Variants in VRK2 observed in about 807,000 individuals in gnomAD.
The protein encoded by VRK2 is VRK serine/threonine kinase 2.
A neutral mutation model predicts 57.6 loss-of-function variants in VRK2; 60 were observed. That is an observed-to-expected ratio of 1.04 (90% CI 0.85 to 1.29). The LOEUF is 1.29. Ranked by LOEUF, VRK2 falls within the 50% of genes most tolerant of loss-of-function variation. The probability of loss-of-function intolerance (pLI) is 0.00; values close to 1 mark genes in which losing one functional copy is unlikely to be tolerated. For missense variants in VRK2, 705 were observed against 588.1 expected, an observed-to-expected ratio of 1.20 and a Z score of -2.06; for synonymous variants, 231 against 199.2, an observed-to-expected ratio of 1.16 and a Z score of -1.35.
At chr2:57,918,379 T>C (rs778890187) in intron 1 of VRK2, among the ~76,000 whole-genome samples, 3 of 152,006 alleles carry the variant, frequency 2.0e-5, no homozygotes, top group African/African-American at 4.8e-5. Flanking sequence ...TTTGTGCATA[T>C]AAAATATAGT....
At chr2:57,922,858 C>T (rs1670399093) in intron 1 of VRK2, among the ~76,000 whole-genome samples, 1 of 151,834 alleles carries the variant, frequency 6.6e-6, no homozygotes, top group Non-Finnish European at 1.5e-5. Context: ...TTTTTGTACT[C>T]ACTAATCATT....
intron 8 of VRK2, among the ~76,000 whole-genome samples, chr2:58,129,306 C>A (rs1573281879): frequency 6.6e-6 from 1 of 152,152 alleles, no homozygotes; most frequent in East Asian, 1.9e-4. Context: ...CAAAACAGTG[C>A]ATAATGTATT....
At chr2:58,121,346 T>C (rs1309882956) in intron 7 of VRK2, among the ~76,000 whole-genome samples, 2 of 152,230 alleles carry the variant, frequency 1.3e-5, no homozygotes, top group African/African-American at 4.8e-5. Context: ...ATCAGTATGT[T>C]CATTTTTCTG....
intron 7 of VRK2, among the ~76,000 whole-genome samples, chr2:58,122,629 A>G (rs1270194140): frequency 6.6e-6 from 1 of 152,210 alleles, no homozygotes; most frequent in Non-Finnish European, 1.5e-5. Context: ...CAAAATCCAC[A>G]TATAAGTGGA....
intron 6 of VRK2, 21 bp from the exon 7 acceptor site, chr2:58,089,610 T>G: frequency 2.0e-6 from 3 of 1,492,638 alleles, no homozygotes; most frequent in Non-Finnish European, 1.8e-6. Flanking sequence ...TAAACCTTAT[T>G]TTATCTATTT....
intron 12 of VRK2, among the ~76,000 whole-genome samples, chr2:58,156,306 T>C (rs1432108654): frequency 1.3e-5 from 2 of 152,134 alleles, no homozygotes; most frequent in Non-Finnish European, 2.9e-5. Flanking sequence ...GCTTTCAAGA[T>C]TTGCTTGTTA....
intron 2 of VRK2, among the ~76,000 whole-genome samples, chr2:58,056,732 A>C (rs1676578008): frequency 6.6e-6 from 1 of 152,150 alleles, no homozygotes; most frequent in African/African-American, 2.4e-5. Flanking sequence ...TTCCCAAAAT[A>C]GTAGTGTGGT....
rs1006686004 is a variant in VRK2 at position 58,068,169 on chromosome 2, A to G, written c.137-15920A>G. On this transcript the variant is annotated intron_variant, in intron 2 of 12. Coordinates refer to ENST00000340157, the MANE Select transcript of VRK2 (RefSeq NM_006296.7). ...GGTCTCAAACTCCTAACCTCAAGTG[A>G]TCTGTCCACCTTGGCCTCCCAAAGT... is the stretch of plus-strand genomic sequence containing the variant. Among the ~76,000 whole-genome samples, 5 of 152,118 alleles carry G rather than the reference A, an allele frequency of 3.3e-5. No individual in the cohort carries two copies. In the South Asian group the frequency reaches 8.3e-4, roughly 25 times the overall value.
chr2:58,084,034 A>G, intron 2 of VRK2, 55 bp from the exon 3 acceptor site: 3 of 1,581,916 alleles, frequency 1.9e-6, no homozygotes, highest in Non-Finnish European at 2.6e-6. Context: ...TATGGTAGGT[A>G]TTCAGTAATT....
intron 2 of VRK2, among the ~76,000 whole-genome samples, chr2:58,066,521 T>G (rs1210956724): frequency 6.6e-6 from 1 of 152,130 alleles, no homozygotes; most frequent in Non-Finnish European, 1.5e-5. Flanking sequence ...GTGTATACTT[T>G]TATTTATTTA....
At chr2:58,148,132 T>G (rs745480157) in intron 12 of VRK2, among the ~76,000 whole-genome samples, 2 of 151,870 alleles carry the variant, frequency 1.3e-5, no homozygotes, top group African/African-American at 2.4e-5. Context: ...GAAAGTACCA[T>G]TCTGTACTCC....
At position 58,038,262 on chromosome 2, in the gene VRK2, G is replaced by T. The variant is rs568262695; in HGVS notation, c.-6+4709G>T. On this transcript the variant is annotated intron_variant, in intron 3 of 15. Coordinates refer to the VRK2 transcript ENST00000417641. ...AGATCTAATGGTTTTATAATTGGAG[G>T]TTTCCCCTGCTCTCTTTTCTGCTGC... Among the ~76,000 whole-genome samples, 86 of 152,182 alleles carry T rather than the reference G, an allele frequency of 5.7e-4. 1 individual carries two copies. Among genetic ancestry groups the T allele is most frequent in the Admixed American group, 1.9e-3 (29 of 15,274 alleles).
chr2:58,139,049 T>G (rs938281712), intron 10 of VRK2, among the ~76,000 whole-genome samples: 2 of 152,070 alleles, frequency 1.3e-5, no homozygotes, highest in African/African-American at 4.8e-5. Context: ...AAATAAAAGA[T>G]GGCAACTCCT....
intron 1 of VRK2, among the ~76,000 whole-genome samples, chr2:57,921,714 T>C (rs1193223727): frequency 3.3e-5 from 5 of 152,114 alleles, no homozygotes; most frequent in Admixed American, 1.3e-4. Flanking sequence ...AAAGATGATA[T>C]GTGTGCACAT....
At chr2:57,984,215 T>C (rs1363379227) in intron 1 of VRK2, among the ~76,000 whole-genome samples, 1 of 152,176 alleles carries the variant, frequency 6.6e-6, no homozygotes, top group African/African-American at 2.4e-5. Context: ...AACATCATTG[T>C]TCCATATGAA....
intron 1 of VRK2, among the ~76,000 whole-genome samples, chr2:58,021,824 G>T (rs752207632): frequency 5.3e-5 from 8 of 152,064 alleles, no homozygotes; most frequent in Non-Finnish European, 8.8e-5. Context: ...TATTAACTTT[G>T]TAAGCCTGGA....
intron 9 of VRK2, among the ~76,000 whole-genome samples, chr2:58,134,141 A>C (rs1309128951): frequency 6.6e-6 from 1 of 152,028 alleles, no homozygotes; most frequent in Non-Finnish European, 1.5e-5. Flanking sequence ...TCTCCTCCCA[A>C]GAAGAGAGTC....
chr2:58,093,355 T>C (rs2104270539), intron 7 of VRK2, among the ~76,000 whole-genome samples: 1 of 152,252 alleles, frequency 6.6e-6, no homozygotes, highest in East Asian at 1.9e-4. Flanking sequence ...TGATTGCCAT[T>C]CTAACTGGTG....
In VRK2 at chr2:58,019,862, A is replaced by G. The variant is rs1673696863; in HGVS notation, c.-438-5803A>G. ...TGAACTAGAAAACTATAAACTTTCA[A>G]CTTTTCAAACAATTCAAACTTTTTA... On this transcript the variant is annotated intron_variant, in intron 1 of 15. Coordinates refer to the VRK2 transcript ENST00000417641. Among the ~76,000 whole-genome samples, 2 of 152,248 alleles carry G rather than the reference A, an allele frequency of 1.3e-5. 1 individual carries two copies. Among genetic ancestry groups the G allele is most frequent in the Admixed American group, 1.3e-4 (2 of 15,282 alleles).
Sources: gnomAD v4.1 joint callset for allele counts (sites outside exome capture counted in the v4.1 genomes callset) on GRCh38, gnomAD v4.1.1 for gene constraint, MANE v1.5 for transcripts, NCBI Gene and HGNC (gene_info 2026-07-23, HGNC 2026-07-21) for gene names.